The following RAPGEF6 variants were observed in gnomAD, a reference collection of about 807,000 sequenced individuals.
RAPGEF6 encodes the protein PDZ domain containing guanine nucleotide exchange factor (GEF) 2.
Under a neutral mutation model 171.4 loss-of-function variants are expected in RAPGEF6, and 56 were observed. The ratio of observed to expected loss-of-function variants is 0.33; its 90% CI spans 0.26 to 0.41. The LOEUF (loss-of-function observed/expected upper bound fraction) is 0.41, where lower values mean the gene tolerates loss of function less well. Ranked by LOEUF, RAPGEF6 falls within the 10% of genes least tolerant of loss-of-function variation. The probability of loss-of-function intolerance (pLI) is 1.00; values close to 1 mark genes in which losing one functional copy is unlikely to be tolerated. For synonymous variants in RAPGEF6, 692 were observed against 650.1 expected, an observed-to-expected ratio of 1.06 and a Z score of -0.98; for missense variants, 1,674 against 1,921.4, an observed-to-expected ratio of 0.87 and a Z score of 2.41.
At chr5:131,548,869 C>T (rs752360767) in intron 5 of RAPGEF6, among the ~76,000 whole-genome samples, 1 of 151,976 alleles carries the variant, frequency 6.6e-6, no homozygotes, top group Non-Finnish European at 1.5e-5. Flanking sequence ...GGTGAGTTGG[C>T]AACCTGGCAA....
At chr5:131,443,135 G>T (rs965418115) in intron 22 of RAPGEF6, among the ~76,000 whole-genome samples, 2 of 152,082 alleles carry the variant, frequency 1.3e-5, no homozygotes, top group African/African-American at 4.8e-5. Context: ...GTAGACAGGG[G>T]TTTCTCCATG....
At chr5:131,610,573 G>C (rs749747672) in intron 1 of RAPGEF6, among the ~76,000 whole-genome samples, 2 of 152,122 alleles carry the variant, frequency 1.3e-5, no homozygotes, top group Non-Finnish European at 2.9e-5. Flanking sequence ...TGATTACCAA[G>C]GGTTCAGACA....
At chr5:131,473,936 A>G (rs891745052) in intron 16 of RAPGEF6, among the ~76,000 whole-genome samples, 2 of 152,172 alleles carry the variant, frequency 1.3e-5, no homozygotes, top group Non-Finnish European at 2.9e-5. Flanking sequence ...CATGGAAGAA[A>G]GCAAAGATTA....
In RAPGEF6 at chr5:131,472,595, T is replaced by C. The variant is rs746439302; in HGVS notation, c.2231A>G (p.Asn744Ser). The change falls in exon 17 of 28, where the codon AAT (asparagine) becomes AGT (serine). Residue 744 changes from asparagine (N) to serine (S), a missense_variant. Physicochemically the swap from Asn to Ser is conservative, Grantham distance 46. Coordinates refer to ENST00000509018, the MANE Select transcript of RAPGEF6 (RefSeq NM_016340.6). ...TCACATATGAAAATTACCTGAAGGA[T>C]TGGAAAAATCCAACATACTGGTGGT... ...QPTTSMLDFS[N>S]PSDIPDQVIR... 5 of 1,613,792 alleles carry C rather than the reference T, an allele frequency of 3.1e-6. No homozygotes were observed. The highest frequency in any genetic ancestry group is 4.2e-6 in the Non-Finnish European group (5 of 1,179,722).
At position 131,604,697 on chromosome 5, in the gene RAPGEF6, T is replaced by C. The variant is rs750666329; in HGVS notation, c.70-4A>G. 6.3e-7 allele frequency: 1 copy of C among 1,599,456 alleles called. No homozygotes were observed. The highest frequency in any genetic ancestry group is 2.2e-5 in the East Asian group (1 of 44,638). ...AAGAATAAATAGTATTTAAGTCCTG[T>C]GGAACAGAAGAAAAAAATTAGATTA... On this transcript the variant is annotated splice_region_variant and splice_polypyrimidine_tract_variant and intron_variant, in intron 1 of 27. Coordinates refer to ENST00000509018, the MANE Select transcript of RAPGEF6 (RefSeq NM_016340.6).
Position 131,580,327 on chromosome 5 carries a change from G to A in RAPGEF6, c.281+12056C>T, listed in dbSNP as rs530538402. On this transcript the variant is annotated intron_variant, in intron 4 of 27. Transcript: ENST00000509018. ...CGGCAGCACCAGCCGGTCACTCCGA[G>A]TGTGGGGCCCACCAAGCCCACGCCC... Among the ~76,000 whole-genome samples the A allele has an allele frequency of 1.6e-4, 24 of 152,298 alleles. No individual in the cohort carries two copies. In the East Asian group the frequency reaches 4.3e-3, roughly 27 times the overall value.
At chr5:131,489,805 T>C (rs1490915429) in intron 14 of RAPGEF6, 151 bp from the exon 15 acceptor site, 2 of 469,512 alleles carry the variant, frequency 4.3e-6, no homozygotes, top group African/African-American at 4.1e-5. Context: ...GCTGGACTAC[T>C]GTTTTTCTTT....
rs1467872954 is a variant in RAPGEF6, at chr5:131,449,123, T to G, written c.3201-2420A>C. Among the ~76,000 whole-genome samples the G allele has an allele frequency of 3.3e-5, 5 of 152,208 alleles. No homozygotes were observed. The East Asian group carries it at 9.6e-4, about 29-fold the overall frequency. On this transcript the variant is annotated intron_variant, in intron 21 of 27. Transcript: ENST00000509018. ...ACAAGTCTTAAAATAACAAAATTCT[T>G]CTTATGCAATCCCTTCATCCACAAA...
chr5:131,463,918 T>C (rs1316424910), intron 18 of RAPGEF6, 123 bp downstream of exon 18: 1 of 1,431,924 alleles, frequency 7.0e-7, no homozygotes, highest in Non-Finnish European at 9.1e-7. Flanking sequence ...TTATCAAGCG[T>C]CTTCTGGAGT....
rs548501606 is a variant in RAPGEF6, at chr5:131,634,781, G to C, written c.69+181C>G. On this transcript the variant is annotated intron_variant, in intron 1 of 27. Transcript: ENST00000509018. ...GCGGGTTAAGACCGCATCACAGGCA[G>C]GAAGGGCGGTCGGCACCCTGCTGGC... 5.0e-4 allele frequency among the ~76,000 whole-genome samples: 76 copies of C among 152,348 alleles called. No homozygotes were observed. In the Middle Eastern group the frequency reaches 0.01, roughly 20 times the overall value.
intron 1 of RAPGEF6, among the ~76,000 whole-genome samples, chr5:131,613,305 G>A (rs2150025905): frequency 6.6e-6 from 1 of 152,272 alleles, no homozygotes; most frequent in Non-Finnish European, 1.5e-5. Flanking sequence ...AGCTTCTTGG[G>A]AGGCTGAGGC....
intron 4 of RAPGEF6, among the ~76,000 whole-genome samples, chr5:131,581,257 G>T (rs1360371414): frequency 6.6e-6 from 1 of 152,086 alleles, no homozygotes; most frequent in Non-Finnish European, 1.5e-5. Context: ...ATCTGGCTTG[G>T]TATATAACAT....
intron 4 of RAPGEF6, among the ~76,000 whole-genome samples, chr5:131,586,491 C>T (rs933427343): frequency 2.0e-5 from 3 of 152,032 alleles, no homozygotes; most frequent in Non-Finnish European, 4.4e-5. Flanking sequence ...TTTAGTTGGG[C>T]GTGGTGTCAC....
intron 24 of RAPGEF6, among the ~76,000 whole-genome samples, chr5:131,437,891 T>C (rs188247815): frequency 6.6e-6 from 1 of 152,306 alleles, no homozygotes; most frequent in East Asian, 1.9e-4. Context: ...TATTATTTCA[T>C]TTAAACCACA....
chr5:131,514,824 C>CA (rs1757972019), intron 7 of RAPGEF6, among the ~76,000 whole-genome samples: 1 of 152,100 alleles, frequency 6.6e-6, no homozygotes, highest in Admixed American at 6.5e-5. Context: ...AGGTAGGGTA[C>CA]ACAGAAGACT....
chr5:131,599,241 C>T (rs1160502900), intron 3 of RAPGEF6, among the ~76,000 whole-genome samples: 3 of 152,048 alleles, frequency 2.0e-5, no homozygotes, highest in South Asian at 2.1e-4. Flanking sequence ...GCATGAGAAT[C>T]GCTTGAACCC....
rs182673918 is a variant in RAPGEF6 at position 131,531,356 on chromosome 5, G to A, written c.496-9835C>T. On this transcript the variant is annotated intron_variant, in intron 6 of 27. Transcript: ENST00000509018. ...ACATGAGACAGGAAAGATAACTTGA[G>A]TGGCATCAAATTACAGACTATATAA... 3.6e-3 allele frequency among the ~76,000 whole-genome samples: 552 copies of A among 152,302 alleles called. 3 individuals carry two copies. Among genetic ancestry groups the A allele is most frequent in the African/African-American group, 0.013 (520 of 41,554 alleles).
Position 131,597,417 on chromosome 5 carries a change from A to G in RAPGEF6, c.198-4951T>C, listed in dbSNP as rs530011952. 4.6e-5 allele frequency among the ~76,000 whole-genome samples: 7 copies of G among 152,282 alleles called. No individual in the cohort carries two copies. In the South Asian group the frequency reaches 1.5e-3, roughly 32 times the overall value. On this transcript the variant is annotated intron_variant, in intron 3 of 27. Transcript: ENST00000509018. Reference sequence around the variant, plus strand: ...ATGTTACAGAAATATCTGCACTCCCATATTTTACAATAGCCAAAATACAGA... The same window carrying G: ...ATGTTACAGAAATATCTGCACTCCCGTATTTTACAATAGCCAAAATACAGA...
In RAPGEF6 at chr5:131,479,712, C is replaced by G; in HGVS notation, c.1882G>C (p.Gly628Arg). ...GCAATTTTGGGAATATGAGGAACAC[C>G]AGATTTCTCTTGTTCAGTCCTAAAA... ...LLFRTEQEKS[G>R]VPHIPKIAEK... is the part of the protein sequence containing the mutation. The change falls in exon 16 of 28, where the codon GGT (glycine) becomes CGT (arginine). Residue 628 changes from glycine to arginine, a missense_variant. Gly to Arg is a moderately radical substitution (Grantham distance 125). This residue lies in a region of RAPGEF6 where 1,116 missense variants were observed against 1,321.5 expected (regional missense o/e 0.84). Coordinates refer to ENST00000509018, the MANE Select transcript of RAPGEF6 (RefSeq NM_016340.6). 1 of 1,613,746 alleles carries G rather than the reference C, an allele frequency of 6.2e-7. No individual in the cohort carries two copies. The highest frequency in any genetic ancestry group is 1.1e-5 in the South Asian group (1 of 91,072).
Sources: gnomAD v4.1 joint callset for allele counts (sites outside exome capture counted in the v4.1 genomes callset) on GRCh38, gnomAD v4.1.1 for gene constraint, gnomAD v4.1.1 regional missense constraint, MANE v1.5 for transcripts, NCBI Gene and HGNC (gene_info 2026-07-23, HGNC 2026-07-21) for gene names.